The following TREX2 variants were observed in gnomAD, a reference collection of about 807,000 sequenced individuals.
The protein encoded by TREX2 is 3'-5' exonuclease TREX2 long form.
For missense variants in TREX2, 242 were observed against 235.3 expected (o/e 1.03, Z -0.19); for synonymous variants, 121 against 112.1 (o/e 1.08, Z -0.50).
Position 153,445,263 on chromosome X carries a change from G to A in TREX2, c.168C>T (p.Val56=), listed in dbSNP as rs1169649208. The change falls in exon 2 of 2, where the codon GTC becomes GTT. Residue 56 remains valine (V), a synonymous_variant. Transcript: ENST00000370231. ...DESGALVLPR[V]LDKLTLCMCP... ...ACATGCACAGCGTGAGCTTGTCCAG[G>A]ACCCGGGGCAATACTAGGGCACCAG... The A allele has an allele frequency of 8.4e-6, 10 of 1,197,091 alleles. No individual in the cohort carries two copies. The highest frequency in any genetic ancestry group is 1.1e-5 in the Non-Finnish European group (10 of 887,395).
intron 1 of TREX2, chrX:153,445,697 G>A (rs1187370861): frequency 1.2e-5 from 6 of 496,781 alleles, no homozygotes; most frequent in Non-Finnish European, 1.4e-5. Flanking sequence ...TCCAGCCACA[G>A]TCCCCAGCAG....
Position 153,445,040 on chromosome X carries a change from G to A in TREX2, c.391C>T (p.Leu131=). The part of the protein sequence containing the change: ...DYDFPLLCAE[L]RRLGARLPRD... ...GGCAGGCGGGCACCCAGGCGCCGCAGCTCGGCACACAGCAGGGGGAAATCA... is the reference window on the plus strand; with the variant it reads ...GGCAGGCGGGCACCCAGGCGCCGCAACTCGGCACACAGCAGGGGGAAATCA... The change falls in exon 2 of 2, where the codon CTG becomes TTG. Residue 131 remains leucine, a synonymous_variant. Coordinates refer to ENST00000370231, the MANE Select transcript of TREX2 (RefSeq NM_080701.4). 2.6e-6 allele frequency: 3 copies of A among 1,163,628 alleles called. No individual in the cohort carries two copies. The highest frequency in any genetic ancestry group is 3.4e-6 in the Non-Finnish European group (3 of 872,199).
chrX:153,445,326 G>A lies in TREX2; in HGVS notation c.105C>T (p.Val35=), dbSNP rs1388537414. Residue 35 remains valine (V), a synonymous_variant, in exon 2 of 2, where the codon GTC becomes GTT. Transcript: ENST00000370231. ...PEIAELSLFA[V]HRSSLENPEH... ...CCGGGTTCTCCAGGGAGGAGCGGTG[G>A]ACAGCAAAGAGGGACAGCTCGGCAA... 8.3e-7 allele frequency: 1 copy of A among 1,203,349 alleles called. No homozygotes were observed. Among genetic ancestry groups the A allele is most frequent in the Non-Finnish European group, 1.1e-6 (1 of 891,452 alleles).
Position 153,445,257 on chromosome X carries a change from G to T in TREX2, c.174C>A (p.Asp58Glu), listed in dbSNP as rs1375103325. The T allele has an allele frequency of 1.7e-6, 2 of 1,199,904 alleles. No homozygotes were observed. Among genetic ancestry groups the T allele is most frequent in the Non-Finnish European group, 2.3e-6 (2 of 888,276 alleles). ...SGALVLPRVL[D>E]KLTLCMCPER... The stretch of plus-strand genomic sequence containing the variant: ...CCGGGCACATGCACAGCGTGAGCTT[G>T]TCCAGGACCCGGGGCAATACTAGGG... The change falls in exon 2 of 2, where the codon GAC (aspartate) becomes GAA (glutamate). Residue 58 changes from aspartate (D) to glutamate (E), a missense_variant. By Grantham distance (45) the Asp-to-Glu change is conservative. Transcript: ENST00000370231.
chrX:153,445,341 C>A lies in TREX2; in HGVS notation c.90G>T (p.Leu30=). 8.3e-7 allele frequency: 1 copy of A among 1,202,423 alleles called. No homozygotes were observed. Among genetic ancestry groups the A allele is most frequent in the Non-Finnish European group, 1.1e-6 (1 of 890,515 alleles). The change falls in exon 2 of 2, where the codon CTG becomes CTT. Residue 30 remains leucine, a synonymous_variant. Transcript: ENST00000370231. ...LPSVEPEIAE[L]SLFAVHRSSL... is the part of the protein sequence containing the mutation. ...AGGAGCGGTGGACAGCAAAGAGGGA[C>A]AGCTCGGCAATCTCGGGCTCCACAC...
In TREX2 at chrX:153,444,758, T is replaced by A; in HGVS notation, c.673A>T (p.Met225Leu). 1 of 1,193,774 alleles carries A rather than the reference T, an allele frequency of 8.4e-7. No homozygotes were observed. The highest frequency in any genetic ancestry group is 1.1e-6 in the Non-Finnish European group (1 of 887,814). ...QARGWAHIEP[M>L]YLPPDDPSLE... is the part of the protein sequence containing the mutation. ...CTGGGGTCATCAGGCGGCAAGTACA[T>A]GGGCTCGATGTGGGCCCACCCACGG... Residue 225 changes from methionine to leucine, a missense_variant, in exon 2 of 2, where the codon ATG becomes TTG. By Grantham distance (15) the Met-to-Leu change is conservative (BLOSUM62 2). Transcript: ENST00000370231.
chrX:153,445,273 A>G lies in TREX2; in HGVS notation c.158T>C (p.Leu53Ser), dbSNP rs1569530218. The G allele has an allele frequency of 8.3e-7, 1 of 1,200,758 alleles. No individual in the cohort carries two copies. Among genetic ancestry groups the G allele is most frequent in the South Asian group, 1.8e-5 (1 of 55,366 alleles). ...PEHDESGALV[L>S]PRVLDKLTLC... ...CGTGAGCTTGTCCAGGACCCGGGGCAATACTAGGGCACCAGACTCGTCGTG... is the reference window on the plus strand; with the variant it reads ...CGTGAGCTTGTCCAGGACCCGGGGCGATACTAGGGCACCAGACTCGTCGTG... The change falls in exon 2 of 2, where the codon TTG (leucine) becomes TCG (serine). Residue 53 changes from leucine (L) to serine (S), a missense_variant. By Grantham distance (145) the Leu-to-Ser change is moderately radical. Transcript: ENST00000370231.
chrX:153,445,759 C>T (rs2089155115), intron 1 of TREX2: 2 of 427,547 alleles, frequency 4.7e-6, no homozygotes, highest in South Asian at 6.7e-5. Context: ...CGGGGTCCAG[C>T]CCCTTCACCG....
At chrX:153,445,936 G>A (rs781900702) in intron 1 of TREX2, 73 bp downstream of exon 1, 4 of 171,144 alleles carry the variant, frequency 2.3e-5, no homozygotes, top group South Asian at 1.1e-4. Flanking sequence ...TGCTGGTCCC[G>A]AGCTGGCCTC....
rs201211108 is a variant in TREX2, at chrX:153,445,456, G to A, written c.-26C>T. ...GGTGATGTTCCCACGGGGATAGCAA[G>A]TCCTCAAACTGTCCGAGCGAGAGGC... On this transcript the variant is annotated 5_prime_UTR_variant, in exon 2 of 2. Transcript: ENST00000370231. 1.8e-6 allele frequency: 2 copies of A among 1,103,860 alleles called. No individual in the cohort carries two copies. The highest frequency in any genetic ancestry group is 1.8e-5 in the African/African-American group (1 of 54,392). 91.0% of individuals were successfully genotyped at this position (1,103,860 alleles called of 1,213,427 possible). A position where few individuals can be genotyped will look rare whatever the true frequency, so the allele number is the denominator to read the frequency against.
At position 153,444,938 on chromosome X, in the gene TREX2, G is replaced by A. The variant is rs781931982; in HGVS notation, c.493C>T (p.Arg165Trp). Residue 165 changes from arginine (R) to tryptophan (W), a missense_variant, in exon 2 of 2, where the codon CGG becomes TGG. Transcript: ENST00000370231. Reference sequence around the variant, plus strand: ...CCGAGGCTGTAACCCTGGCGGCCCCGGGCCCGGGTGCCGTGGCTGTGGGCG... The same window carrying A: ...CCGAGGCTGTAACCCTGGCGGCCCCAGGCCCGGGTGCCGTGGCTGTGGGCG... ...DRAHSHGTRA[R>W]GRQGYSLGSL... 14 of 1,191,286 alleles carry A rather than the reference G, an allele frequency of 1.2e-5. No individual in the cohort carries two copies. The highest frequency in any genetic ancestry group is 9.2e-5 in the South Asian group (5 of 54,355).
chrX:153,445,152 A>T lies in TREX2; in HGVS notation c.279T>A (p.Phe93Leu), dbSNP rs201534283. The T allele has an allele frequency of 3.0e-5, 36 of 1,207,126 alleles. 1 individual carries two copies. In the Admixed American group the frequency reaches 7.7e-4, roughly 26 times the overall value. ...EGLARCRKAG[F>L]DGAVVRTLQA... Reference sequence around the variant, plus strand: ...GCAGCGTCCGCACCACGGCGCCATCAAAGCCAGCCTTCCGGCATCGCGCCA... The same window carrying T: ...GCAGCGTCCGCACCACGGCGCCATCTAAGCCAGCCTTCCGGCATCGCGCCA... Residue 93 changes from phenylalanine (F) to leucine (L), a missense_variant, in exon 2 of 2, where the codon TTT becomes TTA. Physicochemically the swap from Phe to Leu is conservative, Grantham distance 22. Transcript: ENST00000370231.
In TREX2 at chrX:153,445,557, A is replaced by G. The variant is rs372534204; in HGVS notation, c.-65-62T>C. Reference sequence around the variant, plus strand: ...CATCCTCCCCCTAGCCAAAGCTCTGACCCTTCTGGGGCTCACTTCCTGCCA... The same window carrying G: ...CATCCTCCCCCTAGCCAAAGCTCTGGCCCTTCTGGGGCTCACTTCCTGCCA... On this transcript the variant is annotated intron_variant, in intron 1 of 1. Coordinates refer to ENST00000370231, the MANE Select transcript of TREX2 (RefSeq NM_080701.4). The G allele has an allele frequency of 1.4e-4, 102 of 717,063 alleles. 1 individual carries two copies. In the African/African-American group the frequency reaches 1.5e-3, roughly 11 times the overall value. 59.1% of individuals were successfully genotyped at this position (717,063 alleles called of 1,213,427 possible).
chrX:153,444,776 ACCCACGGGCCTGCT>A lies in TREX2; in HGVS notation c.641_654del (p.Glu214ValfsTer12). The A allele has an allele frequency of 2.5e-6, 3 of 1,195,611 alleles. No individual in the cohort carries two copies. The East Asian group carries it at 9.0e-5, about 36-fold the overall frequency. ...AAGTACATGGGCTCGATGTGGGCCC[ACCCACGGGCCTGCT>A]CATCGGCCCAGGCGAGCAGCTCTGC... On this transcript the variant is annotated frameshift_variant, in exon 2 of 2. Transcript: ENST00000370231. LOFTEE classifies it high-confidence loss of function.
chrX:153,445,198 G>A lies in TREX2; in HGVS notation c.233C>T (p.Thr78Ile), dbSNP rs781976967. The stretch of plus-strand genomic sequence containing the variant: ...CGCCAGGCCCTCACTGCTCAGGCCG[G>A]TGATCTCGCTGGCCTTGGCAGTGAA... ...RPFTAKASEI[T>I]GLSSEGLARC... is the part of the protein sequence containing the mutation. Residue 78 changes from threonine (T) to isoleucine (I), a missense_variant, in exon 2 of 2, where the codon ACC becomes ATC. Thr to Ile is a moderately conservative substitution (Grantham distance 89, BLOSUM62 -1). Coordinates refer to ENST00000370231, the MANE Select transcript of TREX2 (RefSeq NM_080701.4). 8.3e-7 allele frequency: 1 copy of A among 1,209,521 alleles called. No homozygotes were observed. The highest frequency in any genetic ancestry group is 2.2e-5 in the Admixed American group (1 of 45,872).
chrX:153,444,629 G>T lies in TREX2; in HGVS notation c.*91C>A. On this transcript the variant is annotated 3_prime_UTR_variant, in exon 2 of 2. Transcript: ENST00000370231. ...AGGCCTGGCAGGTGCACGGACCTGA[G>T]GCTGCCCAGATAGGAGGAGCCGGGG... 1 of 1,022,247 alleles carries T rather than the reference G, an allele frequency of 9.8e-7. No individual in the cohort carries two copies. The highest frequency in any genetic ancestry group is 1.3e-6 in the Non-Finnish European group (1 of 752,916). The allele number at this position is 1,022,247 out of a possible 1,213,427, so 84.2% of individuals were successfully genotyped here.
rs199587066 is a variant in TREX2, at chrX:153,444,964, C to T, written c.467G>A (p.Arg156His). Residue 156 changes from arginine (R) to histidine (H), a missense_variant, in exon 2 of 2, where the codon CGC (arginine) becomes CAC (histidine). Transcript: ENST00000370231. ...GGCCCGGGTGCCGTGGCTGTGGGCG[C>T]GGTCCAGGCCCCGCAGGGCCGGCAG... is the stretch of plus-strand genomic sequence containing the variant. ...DTLPALRGLD[R>H]AHSHGTRARG... The T allele has an allele frequency of 1.1e-4, 135 of 1,183,242 alleles. No individual in the cohort carries two copies. Among genetic ancestry groups the T allele is most frequent in the African/African-American group, 2.5e-4 (14 of 57,049 alleles).
At position 153,444,756 on chromosome X, in the gene TREX2, C is replaced by T; in HGVS notation, c.675G>A (p.Met225Ile). Reference protein sequence around the residue: ...QARGWAHIEPMYLPPDDPSLE... With the variant: ...QARGWAHIEPIYLPPDDPSLE... The stretch of plus-strand genomic sequence containing the variant: ...GGCTGGGGTCATCAGGCGGCAAGTA[C>T]ATGGGCTCGATGTGGGCCCACCCAC... Residue 225 changes from methionine to isoleucine, a missense_variant, in exon 2 of 2, where the codon ATG becomes ATA. Physicochemically the swap from Met to Ile is conservative, Grantham distance 10 (BLOSUM62 1). Transcript: ENST00000370231. 8.4e-7 allele frequency: 1 copy of T among 1,193,969 alleles called. No individual in the cohort carries two copies. The highest frequency in any genetic ancestry group is 1.1e-6 in the Non-Finnish European group (1 of 887,910).
In TREX2 at chrX:153,444,630, G is replaced by A; in HGVS notation, c.*90C>T. ...GGCCTGGCAGGTGCACGGACCTGAG[G>A]CTGCCCAGATAGGAGGAGCCGGGGG... On this transcript the variant is annotated 3_prime_UTR_variant, in exon 2 of 2. Coordinates refer to ENST00000370231, the MANE Select transcript of TREX2 (RefSeq NM_080701.4). The A allele has an allele frequency of 9.8e-7, 1 of 1,024,245 alleles. No individual in the cohort carries two copies. The highest frequency in any genetic ancestry group is 1.3e-6 in the Non-Finnish European group (1 of 754,491). 84.4% of individuals were successfully genotyped at this position (1,024,245 alleles called of 1,213,427 possible).
Sources: gnomAD v4.1 joint callset for allele counts on GRCh38, gnomAD v4.1.1 for gene constraint, MANE v1.5 for transcripts, NCBI Gene and HGNC (gene_info 2026-07-23, HGNC 2026-07-21) for gene names.